The following CSMD3 variants were observed in gnomAD, a reference collection of about 807,000 sequenced individuals.
The protein encoded by CSMD3 is CUB and Sushi multiple domains 3.
In CSMD3, 177 loss-of-function variants were observed where a neutral mutation model predicts 435.2. The observed-to-expected ratio is 0.41, with a 90% CI of 0.36 to 0.46. CSMD3 has a LOEUF of 0.46. Among genes scored for constraint, CSMD3 ranks in the 20% least tolerant of loss-of-function variants. The probability of loss-of-function intolerance (pLI) is 0.34; values close to 1 mark genes in which losing one functional copy is unlikely to be tolerated. For missense variants in CSMD3, 4,265 were observed against 4,504.6 expected (o/e 0.95, Z 1.52); for synonymous variants, 1,656 against 1,520.5 (o/e 1.09, Z -2.07).
In CSMD3 at chr8:113,436,862, G is replaced by A. The variant is rs767449666; in HGVS notation, c.-8C>T. On this transcript the variant is annotated 5_prime_UTR_variant, in exon 1 of 71. Coordinates refer to ENST00000297405, the MANE Select transcript of CSMD3 (RefSeq NM_198123.2). Reference sequence around the variant, plus strand: ...TTTGCGGATCCCTTTCATATTATTCGCGAGCTCCTAATTCCTGCTCCTCAG... The same window carrying A: ...TTTGCGGATCCCTTTCATATTATTCACGAGCTCCTAATTCCTGCTCCTCAG... 4.3e-6 allele frequency: 7 copies of A among 1,613,412 alleles called. No individual in the cohort carries two copies. Among genetic ancestry groups the A allele is most frequent in the Admixed American group, 3.3e-5 (2 of 59,958 alleles).
intron 54 of CSMD3, among the ~76,000 whole-genome samples, chr8:112,295,403 A>G (rs1402202008): frequency 6.6e-6 from 1 of 152,246 alleles, no homozygotes; most frequent in East Asian, 1.9e-4. Context: ...ATGTCATGAC[A>G]GTAGTATCAT....
chr8:112,361,485 A>G (rs988932039), intron 38 of CSMD3, among the ~76,000 whole-genome samples: 3 of 150,216 alleles, frequency 2.0e-5, no homozygotes, highest in African/African-American at 7.3e-5. Flanking sequence ...AATCTGTATC[A>G]GAAATGTTGT....
chr8:113,150,829 G>C (rs2091788494), intron 4 of CSMD3, among the ~76,000 whole-genome samples: 1 of 151,956 alleles, frequency 6.6e-6, no homozygotes, highest in Non-Finnish European at 1.5e-5. Context: ...AAGGGGAATA[G>C]TATTGTAAAC....
intron 13 of CSMD3, among the ~76,000 whole-genome samples, chr8:112,770,856 C>T (rs1229614866): frequency 1.3e-5 from 2 of 151,960 alleles, no homozygotes; most frequent in Non-Finnish European, 2.9e-5. Context: ...CTATTTGACT[C>T]TGATCTATTC....
intron 32 of CSMD3, among the ~76,000 whole-genome samples, chr8:112,463,805 G>A (rs1817682975): frequency 1.3e-5 from 2 of 152,150 alleles, no homozygotes; most frequent in South Asian, 4.1e-4. Context: ...CCCTTTTCTA[G>A]AGAAGACCCA....
intron 5 of CSMD3, among the ~76,000 whole-genome samples, chr8:113,097,843 C>T (rs1008830829): frequency 1.3e-5 from 2 of 151,940 alleles, no homozygotes; most frequent in African/African-American, 2.4e-5. Context: ...TATTTCAATA[C>T]TGCCTTCTTT....
intron 13 of CSMD3, among the ~76,000 whole-genome samples, chr8:112,724,764 A>G (rs2076929803): frequency 6.6e-6 from 1 of 152,056 alleles, no homozygotes; most frequent in Non-Finnish European, 1.5e-5. Flanking sequence ...TGAGAGACAA[A>G]AAGATGATGA....
intron 9 of CSMD3, among the ~76,000 whole-genome samples, chr8:112,935,293 T>G (rs1370445502): frequency 6.6e-6 from 1 of 152,174 alleles, no homozygotes; most frequent in Non-Finnish European, 1.5e-5. Flanking sequence ...TTTTGGATAC[T>G]ATAGTTTTGT....
At chr8:112,235,245 A>G (rs889270462) in intron 67 of CSMD3, among the ~76,000 whole-genome samples, 1 of 152,028 alleles carries the variant, frequency 6.6e-6, no homozygotes, top group Non-Finnish European at 1.5e-5. Flanking sequence ...TTAGCCAGCC[A>G]TGGTGGCACG....
intron 32 of CSMD3, among the ~76,000 whole-genome samples, chr8:112,464,068 C>G (rs1381629566): frequency 6.6e-6 from 1 of 151,818 alleles, no homozygotes; most frequent in Non-Finnish European, 1.5e-5. Context: ...AACCTCGTCT[C>G]TACTAAAAAT....
chr8:113,236,505 G>GCTCT (rs777066564), intron 3 of CSMD3, among the ~76,000 whole-genome samples: 3 of 151,820 alleles, frequency 2.0e-5, no homozygotes, highest in African/African-American at 7.3e-5. Flanking sequence ...ACTCTATAGT[G>GCTCT]CTCTCTGTCT....
chr8:112,519,031 C>T (rs897120104), intron 27 of CSMD3, among the ~76,000 whole-genome samples: 3 of 152,010 alleles, frequency 2.0e-5, no homozygotes, highest in Non-Finnish European at 2.9e-5. Context: ...CAATCACCTC[C>T]CACCAAGCCC....
intron 22 of CSMD3, among the ~76,000 whole-genome samples, chr8:112,589,610 G>A (rs1276212284): frequency 2.0e-5 from 3 of 152,108 alleles, no homozygotes; most frequent in Non-Finnish European, 4.4e-5. Flanking sequence ...AGCACAGCAA[G>A]TTTTCATAAA....
intron 25 of CSMD3, among the ~76,000 whole-genome samples, chr8:112,554,811 T>C (rs1475989089): frequency 6.6e-6 from 1 of 151,962 alleles, no homozygotes; most frequent in Non-Finnish European, 1.5e-5. Context: ...TTTTGTTTCA[T>C]CAATGAATAA....
chr8:113,271,772 G>C (rs2093529641), intron 3 of CSMD3, among the ~76,000 whole-genome samples: 1 of 152,124 alleles, frequency 6.6e-6, no homozygotes, highest in South Asian at 2.1e-4. Context: ...CCAGACCACA[G>C]AATGGTAGAT....
At chr8:112,499,583 T>C (rs868624254) in intron 30 of CSMD3, among the ~76,000 whole-genome samples, 1 of 152,080 alleles carries the variant, frequency 6.6e-6, no homozygotes, top group African/African-American at 2.4e-5. Context: ...ACCAGAATCA[T>C]ACATATCTGA....
intron 23 of CSMD3, among the ~76,000 whole-genome samples, chr8:112,585,955 T>C (rs528665976): frequency 1.3e-5 from 2 of 151,666 alleles, no homozygotes; most frequent in Non-Finnish European, 3.0e-5. Flanking sequence ...GGGAGAGTTT[T>C]ACATAGTGAA....
intron 27 of CSMD3, among the ~76,000 whole-genome samples, chr8:112,546,456 C>T (rs1003238368): frequency 2.6e-5 from 4 of 152,162 alleles, no homozygotes; most frequent in African/African-American, 7.2e-5. Context: ...GAACTTCAAC[C>T]TCTCATGGCT....
chr8:112,927,803 G>A (rs2082958431), intron 9 of CSMD3, among the ~76,000 whole-genome samples: 1 of 151,900 alleles, frequency 6.6e-6, no homozygotes. Flanking sequence ...CCAAGACTAT[G>A]TCCGATACAA....
Sources: gnomAD v4.1 joint callset for allele counts (sites outside exome capture counted in the v4.1 genomes callset) on GRCh38, gnomAD v4.1.1 for gene constraint, MANE v1.5 for transcripts, NCBI Gene and HGNC (gene_info 2026-07-23, HGNC 2026-07-21) for gene names.